The following FAM181A variants were observed in gnomAD, a reference collection of about 807,000 sequenced individuals.
FAM181A encodes family with sequence similarity 181 member A.
A neutral mutation model predicts 16.3 loss-of-function variants in FAM181A; 7 were observed. The observed-to-expected ratio is 0.43, with a 90% CI of 0.24 to 0.81. FAM181A has a LOEUF of 0.81. FAM181A is among the 30% of genes least tolerant of loss of function. FAM181A has a pLI of 0.24. For synonymous variants in FAM181A, 183 were observed against 164.9 expected (o/e 1.11, Z -0.84); for missense variants, 349 against 377.5 (o/e 0.92, Z 0.63).
rs1703639551 is a variant in FAM181A at position 93,920,193 on chromosome 14, A to G, written c.-225+1199A>G. Among the ~76,000 whole-genome samples, 2 of 152,084 alleles carry G rather than the reference A, an allele frequency of 1.3e-5. 1 individual carries two copies. The highest frequency in any genetic ancestry group is 4.1e-4 in the South Asian group (2 of 4,826). ...CTTTTGGAGGCTGAGATGGGAGGAT[A>G]GCTTGAGCTCAGGGGTTTGAGACCA... On this transcript the variant is annotated intron_variant, in intron 1 of 2. Coordinates refer to the FAM181A transcript ENST00000267594.
At chr14:93,925,186 C>A, upstream of FAM181A, 2 of 1,209,556 alleles carry the variant, frequency 1.7e-6, no homozygotes, top group Non-Finnish European at 1.2e-6. Flanking sequence ...CATGAGCGGG[C>A]AGTGCAGAAT....
chr14:93,924,959 G>T (rs1887845925), upstream of FAM181A: 1 of 384,788 alleles, frequency 2.6e-6, no homozygotes, highest in Admixed American at 4.9e-5. Flanking sequence ...CACATGCTGG[G>T]TGTCCACAAA....
rs544428717 is a variant in FAM181A, at chr14:93,927,420, C to T, written c.-122C>T. ...CCCAGGTCTGCAGTGGGGAACCTGC[C>T]GGGCCACGTTGGTGGGGCCTGGGCC... On this transcript the variant is annotated 5_prime_UTR_variant, in exon 1 of 2. Transcript: ENST00000556222. The T allele has an allele frequency of 3.9e-4, 457 of 1,172,962 alleles. No homozygotes were observed. Among genetic ancestry groups the T allele is most frequent in the Admixed American group, 2.0e-3 (60 of 29,322 alleles). The allele number at this position is 1,172,962 out of a possible 1,614,324, so 72.7% of individuals were successfully genotyped here.
upstream of FAM181A, chr14:93,925,235 A>G (rs1460443751): frequency 6.2e-7 from 1 of 1,601,860 alleles, no homozygotes; most frequent in South Asian, 1.1e-5. Flanking sequence ...ATCTCAAGGA[A>G]GCTGGGAGCT....
intron 1 of FAM181A, 130 bp downstream of exon 1, chr14:93,927,584 CG>C (rs1479436114): frequency 7.8e-7 from 1 of 1,286,742 alleles, no homozygotes; most frequent in Admixed American, 2.3e-5. Flanking sequence ...GATGCTTCTT[CG>C]GGGGAATCCC....
chr14:93,919,368 C>T (rs2141249461), intron 1 of FAM181A, among the ~76,000 whole-genome samples: 1 of 152,326 alleles, frequency 6.6e-6, no homozygotes, highest in South Asian at 2.1e-4. Flanking sequence ...TTGGGTTGCA[C>T]TTCAGCTTCA....
chr14:93,925,655 A>G (rs375551603), upstream of FAM181A, among the ~76,000 whole-genome samples: 1 of 151,672 alleles, frequency 6.6e-6, no homozygotes, highest in East Asian at 1.9e-4. Context: ...CGCAGGCAGG[A>G]GCAACCCTCC....
chr14:93,921,585 G>A (rs1467499439), intron 1 of FAM181A, among the ~76,000 whole-genome samples: 1 of 152,210 alleles, frequency 6.6e-6, no homozygotes, highest in Non-Finnish European at 1.5e-5. Flanking sequence ...TTATGTAAGA[G>A]GTTACATAAA....
chr14:93,925,607 AATG>A (rs1887874933), upstream of FAM181A, among the ~76,000 whole-genome samples: 1 of 151,968 alleles, frequency 6.6e-6, no homozygotes, highest in Non-Finnish European at 1.5e-5. Context: ...TGGCACTTAA[AATG>A]ATGATGGTTT....
upstream of FAM181A, chr14:93,925,291 G>T (rs1887860079): frequency 6.2e-7 from 1 of 1,613,712 alleles, no homozygotes; most frequent in East Asian, 2.2e-5. Flanking sequence ...GAAGAGAGAA[G>T]ATCTTCTGGA....
Position 93,927,407 on chromosome 14 carries a change from GTGGGGAACCTGCCGGGCCACGT to G in FAM181A, c.-131_-110del. 1.7e-6 allele frequency: 2 copies of G among 1,170,282 alleles called. No homozygotes were observed. Among genetic ancestry groups the G allele is most frequent in the Non-Finnish European group, 2.2e-6 (2 of 929,804 alleles). 72.5% of individuals were successfully genotyped at this position (1,170,282 alleles called of 1,614,324 possible). The stretch of plus-strand genomic sequence containing the variant: ...CGCCGGGGCCTGTCCCAGGTCTGCA[GTGGGGAACCTGCCGGGCCACGT>G]TGGTGGGGCCTGGGCCGCACCTTCG... On this transcript the variant is annotated 5_prime_UTR_variant, in exon 1 of 2. Transcript: ENST00000556222.
At chr14:93,923,692 C>T (rs117390049), upstream of FAM181A, 2,793 of 152,370 alleles carry the variant, frequency 0.018, 51 homozygotes, top group Middle Eastern at 0.041. Context: ...CAGCAACAAC[C>T]GGTTGGGAAG....
In FAM181A at chr14:93,928,876, C is replaced by T. The variant is rs1398949599; in HGVS notation, c.591C>T (p.Leu197=). Residue 197 remains leucine, a synonymous_variant, in exon 2 of 2, where the codon CTC becomes CTT. Coordinates refer to ENST00000556222, the MANE Select transcript of FAM181A (RefSeq NM_001207073.2). The stretch of plus-strand genomic sequence containing the variant: ...GGGCCCTGGCTGAAAAGGAGCCGCT[C>T]AAGATGCCTGGGGTCTCCTTGGTGG... ...SPRALAEKEP[L]KMPGVSLVGR... 6.2e-7 allele frequency: 1 copy of T among 1,614,184 alleles called. No individual in the cohort carries two copies. Among genetic ancestry groups the T allele is most frequent in the Admixed American group, 1.7e-5 (1 of 60,030 alleles).
At position 93,927,427 on chromosome 14, in the gene FAM181A, CGTT is replaced by C; in HGVS notation, c.-113_-111del. ...CTGCAGTGGGGAACCTGCCGGGCCA[CGTT>C]GGTGGGGCCTGGGCCGCACCTTCGG... On this transcript the variant is annotated 5_prime_UTR_variant, in exon 1 of 2. Transcript: ENST00000556222. 1 of 1,175,980 alleles carries C rather than the reference CGTT, an allele frequency of 8.5e-7. No homozygotes were observed. Among genetic ancestry groups the C allele is most frequent in the Admixed American group, 3.3e-5 (1 of 30,160 alleles). 72.8% of individuals were successfully genotyped at this position (1,175,980 alleles called of 1,614,324 possible).
upstream of FAM181A, among the ~76,000 whole-genome samples, chr14:93,923,234 C>T (rs1887789494): frequency 6.6e-6 from 1 of 152,212 alleles, no homozygotes. Flanking sequence ...GTCGGCCTCC[C>T]AAAGTGCTGG....
upstream of FAM181A, among the ~76,000 whole-genome samples, chr14:93,922,813 G>A (rs1010864552): frequency 6.6e-6 from 1 of 152,192 alleles, no homozygotes; most frequent in Admixed American, 6.5e-5. Context: ...TGGCTGATGT[G>A]AGACCATAAT....
chr14:93,925,501 G>T (rs11160153), upstream of FAM181A: 4 of 703,068 alleles, frequency 5.7e-6, no homozygotes, highest in South Asian at 8.0e-5. Context: ...CTTCAGCCAC[G>T]CGTGCCAGAT....
intron 1 of FAM181A, 166 bp downstream of exon 1, chr14:93,927,620 C>G: frequency 7.8e-7 from 1 of 1,286,390 alleles, no homozygotes; most frequent in Middle Eastern, 2.6e-4. Context: ...TGAGATCAGC[C>G]CGCAAGGCAG....
chr14:93,927,821 A>T (rs1056543153), intron 1 of FAM181A, among the ~76,000 whole-genome samples: 10 of 151,814 alleles, frequency 6.6e-5, no homozygotes, highest in African/African-American at 2.4e-4. Flanking sequence ...AGCTCAGAGA[A>T]TAAACACCTC....
Sources: allele counts gnomAD v4.1 joint callset (sites outside exome capture counted in the v4.1 genomes callset), GRCh38; gene constraint gnomAD v4.1.1; transcripts MANE v1.5; gene names NCBI Gene and HGNC (gene_info 2026-07-23, HGNC 2026-07-21).